Variants in ARFGEF2 observed in about 807,000 individuals in gnomAD.
The protein encoded by ARFGEF2 is brefeldin A-inhibited guanine nucleotide-exchange protein 2.
ARFGEF2 carries 74 observed loss-of-function variants against 219.9 expected under a neutral mutation model. The ratio of observed to expected loss-of-function variants is 0.34; its 90% CI spans 0.28 to 0.41. The LOEUF (loss-of-function observed/expected upper bound fraction) is 0.41, where lower values mean the gene tolerates loss of function less well. Ranked by LOEUF, ARFGEF2 falls within the 10% of genes least tolerant of loss-of-function variation. The pLI is 1.00. For missense variants in ARFGEF2, 1,743 were observed against 2,218.3 expected, an observed-to-expected ratio of 0.79 and a Z score of 4.30; for synonymous variants, 733 against 799.2, an observed-to-expected ratio of 0.92 and a Z score of 1.40.
intron 16 of ARFGEF2, among the ~76,000 whole-genome samples, chr20:48,987,614 C>G (rs569467121): frequency 1.3e-5 from 2 of 152,136 alleles, no homozygotes; most frequent in African/African-American, 2.4e-5. Context: ...GGGAGGCACT[C>G]AAGCGCTTAG....
intron 4 of ARFGEF2, 135 bp from the exon 5 acceptor site, chr20:48,952,570 G>A: frequency 1.2e-6 from 1 of 831,276 alleles, no homozygotes. Flanking sequence ...AATTTGCAGA[G>A]CCATCTTACA....
intron 6 of ARFGEF2, among the ~76,000 whole-genome samples, chr20:48,954,011 G>GAC (rs2091090480): frequency 2.0e-5 from 3 of 152,210 alleles, no homozygotes; most frequent in Non-Finnish European, 4.4e-5. Context: ...ATAGTACTGG[G>GAC]ATGTATCTAG....
chr20:49,023,899 TTCC>T (rs2091584662), intron 35 of ARFGEF2, among the ~76,000 whole-genome samples: 2 of 152,188 alleles, frequency 1.3e-5, no homozygotes, highest in East Asian at 3.9e-4. Flanking sequence ...ATCCCAGTTT[TTCC>T]TTCAAGAATT....
At chr20:49,011,811 CAGTT>C (rs2057721918) in intron 27 of ARFGEF2, 109 bp from the exon 28 acceptor site, 4 of 1,239,884 alleles carry the variant, frequency 3.2e-6, no homozygotes, top group Non-Finnish European at 4.7e-6. Flanking sequence ...TAGATTTTCA[CAGTT>C]AATTATCTCT....
chr20:49,014,102 T>C, intron 30 of ARFGEF2, 142 bp downstream of exon 30: 2 of 1,050,552 alleles, frequency 1.9e-6, no homozygotes, highest in Non-Finnish European at 2.9e-6. Context: ...TGGAAACACC[T>C]TTCTGATACT....
Position 48,974,820 on chromosome 20 carries a change from A to ATGG in ARFGEF2, c.1724_1726dup (p.Val575dup). 6.2e-7 allele frequency: 1 copy of ATGG among 1,614,064 alleles called. No individual in the cohort carries two copies. ...GTGCCTCGTGTCCATTCTCAAGTGC[A>ATGG]TGGTGGAGTGGAGCAAAGACCTGTA... On this transcript the variant is annotated inframe_insertion, in exon 13 of 39. Coordinates refer to ENST00000371917, the MANE Select transcript of ARFGEF2 (RefSeq NM_006420.3).
intron 37 of ARFGEF2, 22 bp downstream of exon 37, chr20:49,028,690 T>G (rs370222630): frequency 4.3e-5 from 69 of 1,609,870 alleles, no homozygotes; most frequent in Non-Finnish European, 5.7e-5. Flanking sequence ...AGTTTCTGAT[T>G]AGATTTCTAT....
At chr20:49,017,217 A>T in intron 31 of ARFGEF2, 32 bp from the exon 32 acceptor site, 1 of 1,611,518 alleles carries the variant, frequency 6.2e-7, no homozygotes, top group Non-Finnish European at 8.5e-7. Flanking sequence ...TAGCAGTAGA[A>T]GTTTAATGAT....
chr20:48,968,985 C>T (rs552766996), intron 8 of ARFGEF2, among the ~76,000 whole-genome samples, 162 bp from the exon 9 acceptor site: 32 of 152,144 alleles, frequency 2.1e-4, no homozygotes, highest in African/African-American at 6.7e-4. Context: ...TTTTGAGATA[C>T]GGTCTCACTA....
At chr20:48,998,822 C>T (rs569511220) in intron 25 of ARFGEF2, among the ~76,000 whole-genome samples, 2 of 152,310 alleles carry the variant, frequency 1.3e-5, no homozygotes, top group East Asian at 3.9e-4. Flanking sequence ...AAATGAAATC[C>T]AGAAAGGCCT....
intron 14 of ARFGEF2, among the ~76,000 whole-genome samples, chr20:48,982,279 T>G (rs2091300652): frequency 6.6e-6 from 1 of 152,174 alleles, no homozygotes; most frequent in Non-Finnish European, 1.5e-5. Context: ...GGAGGTCCAC[T>G]CCAGACCCTG....
chr20:49,015,494 G>T (rs1038573618), intron 30 of ARFGEF2, among the ~76,000 whole-genome samples: 2 of 152,206 alleles, frequency 1.3e-5, no homozygotes, highest in African/African-American at 2.4e-5. Context: ...CATTTAGGTT[G>T]CTTTCCGGTT....
chr20:48,982,364 T>C (rs1006053851), intron 14 of ARFGEF2, among the ~76,000 whole-genome samples: 1 of 152,160 alleles, frequency 6.6e-6, no homozygotes. Flanking sequence ...GCCTGATCCT[T>C]CCTCTGGAAG....
intron 6 of ARFGEF2, among the ~76,000 whole-genome samples, chr20:48,954,383 G>C (rs1349162194): frequency 6.6e-6 from 1 of 152,196 alleles, no homozygotes; most frequent in Non-Finnish European, 1.5e-5. Flanking sequence ...GGATTGAGTT[G>C]TTATAAGATG....
In ARFGEF2 at chr20:49,013,702, T is replaced by C. The variant is rs766565715; in HGVS notation, c.4049+8T>C. 3.1e-6 allele frequency: 5 copies of C among 1,614,136 alleles called. No homozygotes were observed. Among genetic ancestry groups the C allele is most frequent in the Non-Finnish European group, 2.5e-6 (3 of 1,180,028 alleles). On this transcript the variant is annotated splice_region_variant and intron_variant, in intron 29 of 38. Coordinates refer to ENST00000371917, the MANE Select transcript of ARFGEF2 (RefSeq NM_006420.3). ...GTTAGATGTACGAACAAGGTAACCATGTTCCCGTGCGGTGGCCCCTTACAT... is the reference window on the plus strand; with the variant it reads ...GTTAGATGTACGAACAAGGTAACCACGTTCCCGTGCGGTGGCCCCTTACAT...
chr20:48,971,601 TA>T (rs2091228078), intron 10 of ARFGEF2, among the ~76,000 whole-genome samples: 1 of 152,190 alleles, frequency 6.6e-6, no homozygotes, highest in Admixed American at 6.5e-5. Flanking sequence ...TATCTTTTTA[TA>T]AAAAGTTACT....
chr20:49,031,220 C>CTTTTT (rs869105434), intron 37 of ARFGEF2, among the ~76,000 whole-genome samples: 4 of 59,412 alleles, frequency 6.7e-5, no homozygotes, highest in Non-Finnish European at 8.4e-5. Flanking sequence ...TGAGTTTGGA[C>CTTTTT]TTTTTTTTTT....
intron 14 of ARFGEF2, among the ~76,000 whole-genome samples, chr20:48,983,154 G>A (rs1326712775): frequency 1.3e-5 from 2 of 152,236 alleles, no homozygotes; most frequent in East Asian, 1.9e-4. Flanking sequence ...TTTTATTTAC[G>A]TATATATTTT....
chr20:48,931,150 G>A (rs954711482), intron 1 of ARFGEF2, among the ~76,000 whole-genome samples: 10 of 152,200 alleles, frequency 6.6e-5, no homozygotes, highest in Admixed American at 2.6e-4. Context: ...GGAAACAGAC[G>A]GTGAACATAG....
Sources: allele counts gnomAD v4.1 joint callset (sites outside exome capture counted in the v4.1 genomes callset), GRCh38; gene constraint gnomAD v4.1.1; transcripts MANE v1.5; gene names NCBI Gene and HGNC (gene_info 2026-07-23, HGNC 2026-07-21).